RMDN2: variants seen among roughly 807,000 people sequenced by gnomAD.
RMDN2 encodes regulator of microtubule dynamics 2, also known as regulator of microtubule dynamics protein 2.
RMDN2 carries 61 observed loss-of-function variants against 52.8 expected under a neutral mutation model. That is an observed-to-expected ratio of 1.16 (90% CI 0.94 to 1.43). RMDN2 has a LOEUF of 1.43. RMDN2 is among the 40% of genes most tolerant of loss of function. The pLI is 0.00. For synonymous variants in RMDN2, 180 were observed against 153.1 expected, an observed-to-expected ratio of 1.18 and a Z score of -1.30; for missense variants, 592 against 475.3, an observed-to-expected ratio of 1.25 and a Z score of -2.28.
intron 2 of RMDN2, among the ~76,000 whole-genome samples, chr2:37,964,906 A>G (rs1670828540): frequency 6.6e-6 from 1 of 152,028 alleles, no homozygotes. Context: ...TTTGCTTCAT[A>G]TATTTAGGAA....
chr2:37,977,342 A>G (rs1672618162), intron 4 of RMDN2, among the ~76,000 whole-genome samples: 2 of 152,180 alleles, frequency 1.3e-5, no homozygotes, highest in South Asian at 2.1e-4. Flanking sequence ...CCCGTTCTCA[A>G]CGAGCTGTTG....
At chr2:37,921,529 C>T (rs1327597218), upstream of RMDN2, among the ~76,000 whole-genome samples, 1 of 152,216 alleles carries the variant, frequency 6.6e-6, no homozygotes, top group Non-Finnish European at 1.5e-5. Flanking sequence ...GGCAAATGAT[C>T]AGATTTGAGA....
intron 7 of RMDN2, among the ~76,000 whole-genome samples, chr2:37,995,092 C>T (rs1445285179): frequency 6.6e-6 from 1 of 151,920 alleles, no homozygotes; most frequent in Admixed American, 6.6e-5. Flanking sequence ...ATGCATTTGT[C>T]AAAACTCGCT....
At chr2:38,036,285 G>A (rs1653714432) in intron 10 of RMDN2, 1 of 152,312 alleles carries the variant, frequency 6.6e-6, no homozygotes, top group African/African-American at 2.4e-5. Context: ...TTCCTACTGT[G>A]CCCAGCTACA....
chr2:38,021,404 C>T (rs1000167569), downstream of RMDN2, among the ~76,000 whole-genome samples: 5 of 152,274 alleles, frequency 3.3e-5, no homozygotes, highest in South Asian at 8.3e-4. Flanking sequence ...ACTGTGGAAG[C>T]TTTGTTTTTT....
intron 4 of RMDN2, among the ~76,000 whole-genome samples, chr2:37,980,342 C>T (rs1458719715): frequency 1.1e-4 from 17 of 152,032 alleles, no homozygotes; most frequent in Admixed American, 1.1e-3. Flanking sequence ...CTCGCTCTGT[C>T]CCCCAGGCTG....
At chr2:37,995,561 A>C (rs1675429347) in intron 7 of RMDN2, among the ~76,000 whole-genome samples, 1 of 152,132 alleles carries the variant, frequency 6.6e-6, no homozygotes, top group South Asian at 2.1e-4. Flanking sequence ...ATTTTCACCC[A>C]CCCCTTTTAG....
At chr2:37,944,041 TTTG>T (rs1247466422) in intron 2 of RMDN2, among the ~76,000 whole-genome samples, 1 of 152,198 alleles carries the variant, frequency 6.6e-6, no homozygotes, top group East Asian at 1.9e-4. Context: ...GGCTTGTCAT[TTTG>T]TTTACACATA....
intron 10 of RMDN2, among the ~76,000 whole-genome samples, chr2:38,009,947 C>T (rs1296292648): frequency 5.9e-5 from 9 of 152,144 alleles, no homozygotes; most frequent in African/African-American, 1.2e-4. Flanking sequence ...CCCTCAGCTG[C>T]AGGTCTGTTG....
intron 2 of RMDN2, among the ~76,000 whole-genome samples, chr2:37,968,429 ACT>A (rs1355984988): frequency 2.9e-4 from 35 of 121,006 alleles, no homozygotes; most frequent in Non-Finnish European, 5.2e-4. Context: ...ACAGAGCGAG[ACT>A]CTGTCTCAAA....
chr2:37,922,921 A>G (rs1666073484), upstream of RMDN2, among the ~76,000 whole-genome samples: 2 of 152,208 alleles, frequency 1.3e-5, no homozygotes, highest in Admixed American at 6.5e-5. Context: ...GTGTAGAATG[A>G]TGTCTGGTGG....
chr2:38,022,333 G>A (rs1372926082), downstream of RMDN2, among the ~76,000 whole-genome samples: 1 of 152,142 alleles, frequency 6.6e-6, no homozygotes, highest in South Asian at 2.1e-4. Context: ...TGAGCCATGG[G>A]GAATCTCGTT....
chr2:38,008,621 C>G (rs551243148), intron 10 of RMDN2, among the ~76,000 whole-genome samples: 50 of 152,272 alleles, frequency 3.3e-4, no homozygotes, highest in African/African-American at 1.2e-3. Flanking sequence ...AGATGGGTTT[C>G]CTGAATACAG....
intron 10 of RMDN2, among the ~76,000 whole-genome samples, chr2:38,031,375 G>C (rs1221670101): frequency 6.6e-6 from 1 of 151,308 alleles, no homozygotes; most frequent in African/African-American, 2.4e-5. Context: ...CTGGGCTCAG[G>C]TGATCCTCCC....
At chr2:38,009,200 G>A (rs1208593733) in intron 10 of RMDN2, among the ~76,000 whole-genome samples, 3 of 152,066 alleles carry the variant, frequency 2.0e-5, no homozygotes, top group Admixed American at 6.6e-5. Flanking sequence ...TAGTCTTCTC[G>A]AGGAGTATCT....
intron 4 of RMDN2, among the ~76,000 whole-genome samples, chr2:37,979,381 A>G (rs1673001620): frequency 6.6e-6 from 1 of 152,188 alleles, no homozygotes; most frequent in Non-Finnish European, 1.5e-5. Flanking sequence ...GACCAAGTAT[A>G]CTGGAACTGA....
Position 37,975,267 on chromosome 2 carries a change from A to G in RMDN2, c.683A>G (p.Tyr228Cys), listed in dbSNP as rs774634681. The change falls in exon 4 of 11, where the codon TAT (tyrosine) becomes TGT (cysteine). Residue 228 changes from tyrosine to cysteine, a missense_variant. Transcript: ENST00000354545. ...WRFARAYGDM[Y>C]ELSTNTQEKK... Reference sequence around the variant, plus strand: ...TTTGCTCGTGCTTATGGAGACATGTATGAACTATCTACAAACACACAAGAA... The same window carrying G: ...TTTGCTCGTGCTTATGGAGACATGTGTGAACTATCTACAAACACACAAGAA... 5.0e-6 allele frequency: 8 copies of G among 1,610,328 alleles called. No homozygotes were observed. The highest frequency in any genetic ancestry group is 6.8e-6 in the Non-Finnish European group (8 of 1,176,648).
At chr2:37,952,011 C>T (rs1359696403) in intron 2 of RMDN2, 2 of 1,612,796 alleles carry the variant, frequency 1.2e-6, no homozygotes, top group Non-Finnish European at 1.7e-6. Context: ...AATCATGATT[C>T]CACAGCATCC....
chr2:37,968,284 T>G (rs967730109), intron 2 of RMDN2, among the ~76,000 whole-genome samples: 2 of 151,228 alleles, frequency 1.3e-5, no homozygotes, highest in Admixed American at 1.3e-4. Flanking sequence ...CTACTAAAAA[T>G]ACAACAAAAT....
Sources: allele counts gnomAD v4.1 joint callset (sites outside exome capture counted in the v4.1 genomes callset), GRCh38; gene constraint gnomAD v4.1.1; transcripts MANE v1.5; gene names NCBI Gene and HGNC (gene_info 2026-07-23, HGNC 2026-07-21).